The following SLC7A7 variants were observed in gnomAD, a reference collection of about 807,000 sequenced individuals.
SLC7A7 encodes the protein Y+L amino acid transporter 1.
Under a neutral mutation model 47.9 loss-of-function variants are expected in SLC7A7, and 39 were observed. That is an observed-to-expected ratio of 0.81 (90% CI 0.63 to 1.06). SLC7A7 has a LOEUF of 1.06. Ranked by LOEUF, SLC7A7 falls within the 50% of genes least tolerant of loss-of-function variation. The pLI, the probability that SLC7A7 is intolerant of heterozygous loss-of-function variation, is 0.00. For synonymous variants in SLC7A7, 234 were observed against 242.8 expected (o/e 0.96, Z 0.34); for missense variants, 588 against 632.0 (o/e 0.93, Z 0.75).
rs2038595216 is a variant in SLC7A7, at chr14:22,775,921, T to C, written c.910A>G (p.Ile304Val). 6.2e-7 allele frequency: 1 copy of C among 1,613,590 alleles called. No homozygotes were observed. Among genetic ancestry groups the C allele is most frequent in the South Asian group, 1.1e-5 (1 of 91,076 alleles). Residue 304 changes from isoleucine to valine, a missense_variant, in exon 6 of 10, where the codon ATA becomes GTA. Physicochemically the swap from Ile to Val is conservative, Grantham distance 29. Transcript: ENST00000674313. ...ATTATCCAGTTAAATATTCCAAATA[T>C]CTGATCTGCAAAAGTCTAAGGGAAA... ...DAVAVTFADQ[I>V]FGIFNWIIPL...
intron 4 of SLC7A7, among the ~76,000 whole-genome samples, chr14:22,777,144 A>G (rs2038627172): frequency 2.5e-5 from 1 of 39,836 alleles, no homozygotes; most frequent in South Asian, 9.3e-4. Flanking sequence ...ACCCTGTCTA[A>G]AAAAAAAAAA....
At chr14:22,803,537 A>G (rs1244729992) in intron 2 of SLC7A7, among the ~76,000 whole-genome samples, 1 of 152,234 alleles carries the variant, frequency 6.6e-6, no homozygotes, top group Non-Finnish European at 1.5e-5. Flanking sequence ...TAAGCTCTGC[A>G]GGCATCTGGA....
intron 2 of SLC7A7, among the ~76,000 whole-genome samples, chr14:22,784,990 T>C (rs1175481288): frequency 6.6e-6 from 1 of 152,098 alleles, no homozygotes; most frequent in African/African-American, 2.4e-5. Context: ...TTAAAAGTGA[T>C]CTATAGAGCC....
rs1209053533 is a variant in SLC7A7, at chr14:22,813,402, G to C, written c.-4C>G. On this transcript the variant is annotated 5_prime_UTR_variant, in exon 2 of 10. Transcript: ENST00000674313. ...CATACTCAGTGCTGTCAACCATGGT[G>C]GAGGAGAGGAAACCCTTCACCAGCT... 1.9e-6 allele frequency: 3 copies of C among 1,610,252 alleles called. No homozygotes were observed. Among genetic ancestry groups the C allele is most frequent in the Non-Finnish European group, 2.5e-6 (3 of 1,180,012 alleles).
At chr14:22,785,726 CAA>C (rs748719657) in intron 2 of SLC7A7, among the ~76,000 whole-genome samples, 14 of 52,828 alleles carry the variant, frequency 2.7e-4, no homozygotes, top group Admixed American at 6.4e-4. Flanking sequence ...AACTCCATCT[CAA>C]AAAAAAAAAA....
At chr14:22,808,462 C>G (rs903015457) in intron 2 of SLC7A7, among the ~76,000 whole-genome samples, 3 of 152,184 alleles carry the variant, frequency 2.0e-5, no homozygotes, top group African/African-American at 7.2e-5. Context: ...TTAGGCTAAT[C>G]AGAATGTCTT....
At chr14:22,774,635 C>T in intron 7 of SLC7A7, 132 bp from the exon 8 acceptor site, 2 of 1,124,670 alleles carry the variant, frequency 1.8e-6, no homozygotes, top group East Asian at 4.7e-5. Context: ...GGTTTTAATC[C>T]CTTTAACACC....
At position 22,783,969 on chromosome 14, in the gene SLC7A7, A is replaced by G. The variant is rs931036561; in HGVS notation, c.500-3918T>C. 1.3e-5 allele frequency among the ~76,000 whole-genome samples: 2 copies of G among 152,210 alleles called. 1 individual carries two copies. The highest frequency in any genetic ancestry group is 1.3e-4 in the Admixed American group (2 of 15,274). On this transcript the variant is annotated intron_variant, in intron 2 of 9. Coordinates refer to ENST00000674313, the MANE Select transcript of SLC7A7 (RefSeq NM_003982.4). Reference sequence around the variant, plus strand: ...TCCAGGGCCTCTTGACTGTGGGAGCAGGAAATGGGTATGGCAGGCAGCAGT... The same window carrying G: ...TCCAGGGCCTCTTGACTGTGGGAGCGGGAAATGGGTATGGCAGGCAGCAGT...
chr14:22,795,076 C>CTTTTTTTTT (rs3076435), intron 2 of SLC7A7, among the ~76,000 whole-genome samples: 3 of 97,606 alleles, frequency 3.1e-5, no homozygotes, highest in African/African-American at 1.2e-4. Flanking sequence ...TTCTTTCTTT[C>CTTTTTTTTT]TTTTTTTTTT....
At chr14:22,780,256 C>A in intron 2 of SLC7A7, 1 of 562,714 alleles carries the variant, frequency 1.8e-6, no homozygotes, top group Non-Finnish European at 3.2e-6. Context: ...TCCCCACCCC[C>A]AGCACCTTAT....
chr14:22,781,860 C>T (rs2038725016), intron 2 of SLC7A7, among the ~76,000 whole-genome samples: 2 of 152,126 alleles, frequency 1.3e-5, no homozygotes, highest in African/African-American at 4.8e-5. Context: ...AAAATGGGAT[C>T]CCCAAATACA....
intron 2 of SLC7A7, among the ~76,000 whole-genome samples, chr14:22,788,504 A>G (rs1020145380): frequency 2.0e-5 from 3 of 151,832 alleles, no homozygotes; most frequent in East Asian, 1.9e-4. Flanking sequence ...GGAGTTTGAG[A>G]TCAGCCTGGC....
upstream of SLC7A7, among the ~76,000 whole-genome samples, chr14:22,816,632 T>C (rs2039411484): frequency 6.6e-6 from 1 of 152,168 alleles, no homozygotes; most frequent in African/African-American, 2.4e-5. Flanking sequence ...ATGCTATCTT[T>C]ATTATTTACT....
chr14:22,793,878 TC>T lies in SLC7A7; in HGVS notation c.500-13828del, dbSNP rs575370882. Among the ~76,000 whole-genome samples, 368 of 152,090 alleles carry T rather than the reference TC, an allele frequency of 2.4e-3. 2 individuals are homozygous for T. Among genetic ancestry groups the T allele is most frequent in the African/African-American group, 6.6e-3 (274 of 41,480 alleles). On this transcript the variant is annotated intron_variant, in intron 2 of 9. Coordinates refer to ENST00000674313, the MANE Select transcript of SLC7A7 (RefSeq NM_003982.4). ...GCTGGAAGCTACAAGATTCTGACCT[TC>T]CCTAAACTGCTCCTAAGATCAGTGC... is the stretch of plus-strand genomic sequence containing the variant.
intron 2 of SLC7A7, among the ~76,000 whole-genome samples, chr14:22,789,324 A>T (rs1296338873): frequency 1.3e-5 from 2 of 152,172 alleles, no homozygotes. Flanking sequence ...GGAGAATTAA[A>T]GTTGCAGATA....
In SLC7A7 at chr14:22,773,991, G is replaced by T. The variant is rs386833804; in HGVS notation, c.1371C>A (p.Tyr457Ter). 1.2e-5 allele frequency: 19 copies of T among 1,614,236 alleles called. No individual in the cohort carries two copies. Among genetic ancestry groups the T allele is most frequent in the Middle Eastern group, 1.6e-4 (1 of 6,062 alleles). ...IAIALSGLPFYFLIIRVPEHK... is the reference protein window; with the variant it reads ...IAIALSGLPF ...GTTCTGGCACTCTGATGATGAGGAA[G>T]TAAAAGGGCAGGCCTGAGAGGGCAA... Residue 457 changes from tyrosine (Y) to a stop codon, truncating the protein, a stop_gained, in exon 9 of 10, where the codon TAC (tyrosine) becomes TAA (stop). Coordinates refer to ENST00000674313, the MANE Select transcript of SLC7A7 (RefSeq NM_003982.4). LOFTEE classifies it high-confidence loss of function.
intron 2 of SLC7A7, among the ~76,000 whole-genome samples, chr14:22,799,038 C>T (rs2039065170): frequency 6.6e-6 from 1 of 152,168 alleles, no homozygotes; most frequent in African/African-American, 2.4e-5. Context: ...CACAGTAACA[C>T]TTAATACATT....
At chr14:22,789,473 C>CA (rs201789232) in intron 2 of SLC7A7, among the ~76,000 whole-genome samples, 1,686 of 151,916 alleles carry the variant, frequency 0.011, 33 homozygotes, top group African/African-American at 0.038. Flanking sequence ...ACTAAAAATA[C>CA]AAAAAATAGC....
chr14:22,783,071 C>T (rs3850292), intron 2 of SLC7A7, among the ~76,000 whole-genome samples: 31,386 of 150,848 alleles, frequency 0.21, 3,287 homozygotes, highest in East Asian at 0.35. Context: ...GTAGCTAGGA[C>T]TACAAGTGCC....
Sources: gnomAD v4.1 joint callset for allele counts (sites outside exome capture counted in the v4.1 genomes callset) on GRCh38, gnomAD v4.1.1 for gene constraint, MANE v1.5 for transcripts, NCBI Gene and HGNC (gene_info 2026-07-23, HGNC 2026-07-21) for gene names.